The following N4BP1 variants were observed in gnomAD, a reference collection of about 807,000 sequenced individuals.
The protein encoded by N4BP1 is NEDD4 binding protein 1.
In N4BP1, 21 loss-of-function variants were observed where a neutral mutation model predicts 70.9. The observed-to-expected ratio is 0.30, with a 90% CI of 0.21 to 0.43. N4BP1 has a LOEUF of 0.43. N4BP1 is among the 20% of genes least tolerant of loss of function. The pLI, the probability that N4BP1 is intolerant of heterozygous loss-of-function variation, is 1.00. For missense variants in N4BP1, 936 were observed against 1,069.4 expected, an observed-to-expected ratio of 0.88 and a Z score of 1.74; for synonymous variants, 387 against 394.6, an observed-to-expected ratio of 0.98 and a Z score of 0.23.
In N4BP1 at chr16:48,585,942, C is replaced by T. The variant is rs557508906; in HGVS notation, c.199-23498G>A. ...AACTCCTGATCTCAAGTGATCCGCC[C>T]GCCTCGGCCTCCCAAAGTGCTGGGA... On this transcript the variant is annotated intron_variant, in intron 1 of 6. Transcript: ENST00000262384. Among the ~76,000 whole-genome samples, 18 of 152,138 alleles carry T rather than the reference C, an allele frequency of 1.2e-4. No individual in the cohort carries two copies. The South Asian group carries it at 1.9e-3, about 16-fold the overall frequency.
At chr16:48,609,687 G>C in intron 1 of N4BP1, 88 bp downstream of exon 1, 1 of 1,137,668 alleles carries the variant, frequency 8.8e-7, no homozygotes, top group Non-Finnish European at 1.1e-6. Context: ...GGCGCATCGC[G>C]GCGGACGGCG....
At chr16:48,558,945 CTTTT>C (rs1373478618) in intron 2 of N4BP1, among the ~76,000 whole-genome samples, 1 of 152,156 alleles carries the variant, frequency 6.6e-6, no homozygotes, top group Non-Finnish European at 1.5e-5. Context: ...ATGACATTTT[CTTTT>C]TGACAGCAAA....
At chr16:48,547,780 C>T (rs888024540) in intron 5 of N4BP1, among the ~76,000 whole-genome samples, 1 of 152,172 alleles carries the variant, frequency 6.6e-6, no homozygotes, top group Non-Finnish European at 1.5e-5. Context: ...CAGAGCATGC[C>T]CACACTCATC....
At chr16:48,606,178 A>G (rs970403142) in intron 1 of N4BP1, among the ~76,000 whole-genome samples, 1 of 152,086 alleles carries the variant, frequency 6.6e-6, no homozygotes, top group Non-Finnish European at 1.5e-5. Flanking sequence ...TCAATAGGTC[A>G]AACAACTTAA....
At chr16:48,562,740 G>T (rs567335191) in intron 1 of N4BP1, among the ~76,000 whole-genome samples, 2 of 152,282 alleles carry the variant, frequency 1.3e-5, no homozygotes, top group African/African-American at 4.8e-5. Context: ...ATAATCCCAA[G>T]GCTGGATTTA....
intron 1 of N4BP1, among the ~76,000 whole-genome samples, chr16:48,565,118 C>T (rs1167335699): frequency 6.6e-6 from 1 of 152,172 alleles, no homozygotes; most frequent in African/African-American, 2.4e-5. Flanking sequence ...GTATCATCTA[C>T]AAATATTTCT....
chr16:48,592,100 TGA>T (rs1237072362), intron 1 of N4BP1, among the ~76,000 whole-genome samples: 3 of 152,090 alleles, frequency 2.0e-5, no homozygotes, highest in Non-Finnish European at 4.4e-5. Flanking sequence ...CACACTCTAC[TGA>T]GAGATGAGAT....
chr16:48,573,640 C>A (rs1964053926), intron 1 of N4BP1, among the ~76,000 whole-genome samples: 1 of 151,888 alleles, frequency 6.6e-6, no homozygotes, highest in African/African-American at 2.4e-5. Flanking sequence ...TATAGTTGAC[C>A]CCCAAACAAT....
At chr16:48,577,087 C>T (rs1348464481) in intron 1 of N4BP1, among the ~76,000 whole-genome samples, 4 of 152,130 alleles carry the variant, frequency 2.6e-5, no homozygotes, top group African/African-American at 9.7e-5. Flanking sequence ...AAAAGGTAGC[C>T]CAAGCCCCAT....
intron 1 of N4BP1, among the ~76,000 whole-genome samples, chr16:48,604,601 G>GT (rs576363442): frequency 7.4e-4 from 76 of 102,024 alleles, no homozygotes; most frequent in East Asian, 1.8e-3. Context: ...ACAAAAAAAG[G>GT]TAAAAAAAAA....
chr16:48,553,360 A>T (rs1392574552), intron 3 of N4BP1, among the ~76,000 whole-genome samples, 179 bp downstream of exon 3: 1 of 152,230 alleles, frequency 6.6e-6, no homozygotes, highest in Non-Finnish European at 1.5e-5. Flanking sequence ...ACCTCCTAGT[A>T]TTTGTGATGC....
At chr16:48,599,415 T>G (rs1187694754) in intron 1 of N4BP1, among the ~76,000 whole-genome samples, 1 of 152,210 alleles carries the variant, frequency 6.6e-6, no homozygotes, top group Non-Finnish European at 1.5e-5. Context: ...TAGAAGCATG[T>G]TAGAGTCCAC....
chr16:48,570,804 A>G (rs1481857014), intron 1 of N4BP1, among the ~76,000 whole-genome samples: 1 of 151,730 alleles, frequency 6.6e-6, no homozygotes. Context: ...TTTTAAATTG[A>G]TATAATATTC....
chr16:48,596,080 A>G (rs1964409418), intron 1 of N4BP1, among the ~76,000 whole-genome samples: 1 of 152,258 alleles, frequency 6.6e-6, no homozygotes, highest in Admixed American at 6.5e-5. Flanking sequence ...AAGTATAATA[A>G]AGTTTATTTT....
At chr16:48,558,690 TG>T (rs1307289297) in intron 2 of N4BP1, among the ~76,000 whole-genome samples, 1 of 152,244 alleles carries the variant, frequency 6.6e-6, no homozygotes, top group African/African-American at 2.4e-5. Context: ...ACCTAAATTT[TG>T]TGTCACGAGT....
At chr16:48,577,105 G>T (rs1964105969) in intron 1 of N4BP1, among the ~76,000 whole-genome samples, 2 of 152,062 alleles carry the variant, frequency 1.3e-5, no homozygotes, top group African/African-American at 4.8e-5. Flanking sequence ...CATTTCACTG[G>T]CAATCCCTTG....
rs3833064 is a variant in N4BP1 at position 48,542,529 on chromosome 16, C to CT, written c.*374dup. The CT allele has an allele frequency of 1.1e-3, 177 of 157,482 alleles. No individual in the cohort carries two copies. In the South Asian group the frequency reaches 0.014, roughly 12 times the overall value. The allele number at this position is 157,482 out of a possible 1,614,324, so 9.8% of individuals were successfully genotyped here. On this transcript the variant is annotated 3_prime_UTR_variant, in exon 7 of 7. Transcript: ENST00000262384. ...TCTTGCTTTCCTTAAGAAAGCAACA[C>CT]TTTTTTTTTTATTTATTTATAAAGG... is the stretch of plus-strand genomic sequence containing the variant.
chr16:48,554,329 T>G (rs1020018892), intron 2 of N4BP1, among the ~76,000 whole-genome samples: 1 of 152,152 alleles, frequency 6.6e-6, no homozygotes, highest in Non-Finnish European at 1.5e-5. Context: ...TGTAAGTGAA[T>G]GTGTGCGGCT....
intron 2 of N4BP1, among the ~76,000 whole-genome samples, chr16:48,554,284 A>C (rs1597093093): frequency 6.6e-6 from 1 of 152,130 alleles, no homozygotes; most frequent in African/African-American, 2.4e-5. Context: ...CTGTCATACC[A>C]CCCAACTCTG....
Sources: allele counts gnomAD v4.1 joint callset (sites outside exome capture counted in the v4.1 genomes callset), GRCh38; gene constraint gnomAD v4.1.1; transcripts MANE v1.5; gene names NCBI Gene and HGNC (gene_info 2026-07-23, HGNC 2026-07-21).